WDR72: variants seen among roughly 807,000 people sequenced by gnomAD.
WDR72 encodes WD repeat-containing protein 72.
In WDR72, 120 loss-of-function variants were observed where a neutral mutation model predicts 124.2. That is an observed-to-expected ratio of 0.97 (90% CI 0.83 to 1.12). The LOEUF is 1.12. Among genes scored for constraint, WDR72 ranks in the 50% most tolerant of loss-of-function variants. The probability of loss-of-function intolerance (pLI) is 0.00; values close to 1 mark genes in which losing one functional copy is unlikely to be tolerated. For missense variants in WDR72, 1,387 were observed against 1,278.8 expected (o/e 1.08, Z -1.29); for synonymous variants, 452 against 441.7 (o/e 1.02, Z -0.29).
chr15:53,714,306 A>G, intron 6 of WDR72, 128 bp downstream of exon 6: 1 of 784,396 alleles, frequency 1.3e-6, no homozygotes, highest in Non-Finnish European at 2.2e-6. Context: ...AATATATGGA[A>G]GTAGAATTTA....
At chr15:53,681,228 T>C (rs928571601) in intron 13 of WDR72, among the ~76,000 whole-genome samples, 1 of 152,188 alleles carries the variant, frequency 6.6e-6, no homozygotes, top group Non-Finnish European at 1.5e-5. Flanking sequence ...TTTCCAATTG[T>C]TTCTGTGGCA....
rs559215132 is a variant in WDR72, at chr15:53,669,464, C to T, written c.1766-3696G>A. Among the ~76,000 whole-genome samples, 5 of 152,236 alleles carry T rather than the reference C, an allele frequency of 3.3e-5. No individual in the cohort carries two copies. The South Asian group carries it at 1.0e-3, about 32-fold the overall frequency. ...GAGTCATCCTTCACATCTGCTATTC[C>T]TATATTCTTTAGAGTTCTCTTCTTA... On this transcript the variant is annotated intron_variant, in intron 13 of 19. Coordinates refer to ENST00000360509, the MANE Select transcript of WDR72 (RefSeq NM_182758.4).
chr15:53,748,609 T>C (rs2018700079), intron 1 of WDR72, among the ~76,000 whole-genome samples: 2 of 152,178 alleles, frequency 1.3e-5, no homozygotes, highest in Non-Finnish European at 2.9e-5. Context: ...AGGTAGTTCC[T>C]CATATCCCAG....
chr15:53,751,392 C>T (rs546536355), intron 1 of WDR72, among the ~76,000 whole-genome samples: 8 of 152,322 alleles, frequency 5.3e-5, no homozygotes, highest in Non-Finnish European at 1.0e-4. Flanking sequence ...GCAAGACCCT[C>T]CTCCAGCAAA....
At chr15:53,561,548 T>C (rs1043452109) in intron 18 of WDR72, among the ~76,000 whole-genome samples, 1 of 151,788 alleles carries the variant, frequency 6.6e-6, no homozygotes, top group Non-Finnish European at 1.5e-5. Context: ...TAGAAACTCA[T>C]ATATTTCCAA....
At chr15:53,636,905 T>C (rs1239154678) in intron 14 of WDR72, among the ~76,000 whole-genome samples, 3 of 152,164 alleles carry the variant, frequency 2.0e-5, no homozygotes, top group African/African-American at 7.2e-5. Flanking sequence ...AATTAATCCA[T>C]TGTGTTTAAT....
intron 13 of WDR72, among the ~76,000 whole-genome samples, chr15:53,694,935 A>G (rs2016957206): frequency 6.6e-6 from 1 of 152,178 alleles, no homozygotes; most frequent in African/African-American, 2.4e-5. Flanking sequence ...GTTGTAAGTA[A>G]AGTTTTATTG....
chr15:53,730,278 T>C (rs1308043346), intron 2 of WDR72, among the ~76,000 whole-genome samples: 1 of 152,220 alleles, frequency 6.6e-6, no homozygotes, highest in Non-Finnish European at 1.5e-5. Flanking sequence ...AGACAAATAC[T>C]GTATGATTCC....
At chr15:53,709,915 G>A (rs925517425) in intron 9 of WDR72, among the ~76,000 whole-genome samples, 4 of 152,228 alleles carry the variant, frequency 2.6e-5, no homozygotes, top group Admixed American at 1.3e-4. Flanking sequence ...TGCTTCCTTG[G>A]TTGACACATC....
At position 53,613,064 on chromosome 15, in the gene WDR72, C is replaced by T. The variant is rs372998317; in HGVS notation, c.2872+602G>A. Among the ~76,000 whole-genome samples the T allele has an allele frequency of 8.7e-4, 133 of 152,124 alleles. 1 individual carries two copies. The highest frequency in any genetic ancestry group is 3.5e-3 in the South Asian group (17 of 4,820). On this transcript the variant is annotated intron_variant, in intron 16 of 19. Transcript: ENST00000360509. ...AGTAAAAAAGAATCGCAAGGTTCTT[C>T]GCTTGAGCAATTGGTGATTGGAAGG... is the stretch of plus-strand genomic sequence containing the variant.
intron 12 of WDR72, among the ~76,000 whole-genome samples, chr15:53,701,342 G>C (rs1448279157): frequency 1.3e-5 from 2 of 152,112 alleles, no homozygotes; most frequent in East Asian, 3.9e-4. Context: ...AGGAGTTGGA[G>C]ACCAGCCTGG....
chr15:53,744,701 T>C (rs2018600222), intron 1 of WDR72, among the ~76,000 whole-genome samples: 1 of 152,170 alleles, frequency 6.6e-6, no homozygotes, highest in African/African-American at 2.4e-5. Flanking sequence ...GCCTAACACA[T>C]AGATGACATT....
chr15:53,754,955 G>A (rs1401078823), intron 1 of WDR72, among the ~76,000 whole-genome samples: 1 of 152,124 alleles, frequency 6.6e-6, no homozygotes, highest in African/African-American at 2.4e-5. Context: ...ACTCTATCTT[G>A]GCAGAATTCA....
chr15:53,669,953 A>T (rs938444880), intron 13 of WDR72, among the ~76,000 whole-genome samples: 4 of 152,224 alleles, frequency 2.6e-5, no homozygotes, highest in Non-Finnish European at 5.9e-5. Flanking sequence ...TAGTACATCA[A>T]GAATAGGAGT....
At chr15:53,605,036 C>T (rs758598198) in intron 17 of WDR72, among the ~76,000 whole-genome samples, 4 of 152,132 alleles carry the variant, frequency 2.6e-5, no homozygotes, top group African/African-American at 4.8e-5. Flanking sequence ...GACACATGAA[C>T]ATGTATGTTC....
chr15:53,739,230 CAA>C (rs797017136), intron 1 of WDR72, among the ~76,000 whole-genome samples: 4 of 151,038 alleles, frequency 2.6e-5, no homozygotes, highest in Admixed American at 1.3e-4. Context: ...AAGTAAGCAT[CAA>C]AAAAAAGTGA....
rs2017516967 is a variant in WDR72, at chr15:53,710,937, T to A, written c.874A>T (p.Ile292Leu). ...AGCACTCTTCCATCAGCAGGGTATA[T>A]GCTTTTTGAAAGCCCACTGCGTGGC... ...QLLNSGLSKSIYPADGRVLKE... is the reference protein window; with the variant it reads ...QLLNSGLSKSLYPADGRVLKE... Residue 292 changes from isoleucine (I) to leucine (L), a missense_variant, in exon 9 of 20, where the codon ATA becomes TTA. Coordinates refer to ENST00000360509, the MANE Select transcript of WDR72 (RefSeq NM_182758.4). 6.2e-7 allele frequency: 1 copy of A among 1,613,754 alleles called. No individual in the cohort carries two copies. The highest frequency in any genetic ancestry group is 8.5e-7 in the Non-Finnish European group (1 of 1,179,904).
intron 4 of WDR72, among the ~76,000 whole-genome samples, chr15:53,715,925 T>C (rs1464460309): frequency 1.3e-5 from 2 of 152,230 alleles, no homozygotes; most frequent in Admixed American, 6.5e-5. Flanking sequence ...AGGATTATTA[T>C]GCCAAATAAG....
At chr15:53,660,836 C>G (rs76047809) in intron 14 of WDR72, among the ~76,000 whole-genome samples, 6 of 152,096 alleles carry the variant, frequency 3.9e-5, no homozygotes, top group African/African-American at 1.4e-4. Context: ...TTGATATAAG[C>G]TCTTTTGGAT....
Sources: allele counts gnomAD v4.1 joint callset (sites outside exome capture counted in the v4.1 genomes callset), GRCh38; gene constraint gnomAD v4.1.1; transcripts MANE v1.5; gene names NCBI Gene and HGNC (gene_info 2026-07-23, HGNC 2026-07-21).